Variants in WDFY4 observed in about 807,000 individuals in gnomAD.
WDFY4 encodes WD repeat- and FYVE domain-containing protein 4.
Under a neutral mutation model 351.9 loss-of-function variants are expected in WDFY4, and 169 were observed. The ratio of observed to expected loss-of-function variants is 0.48; its 90% CI spans 0.42 to 0.55. The LOEUF (loss-of-function observed/expected upper bound fraction) is 0.55. Among genes scored for constraint, WDFY4 ranks in the 20% least tolerant of loss-of-function variants. The pLI is 0.00. For missense variants in WDFY4, 3,803 were observed against 3,935.6 expected (o/e 0.97, Z 0.90); for synonymous variants, 1,622 against 1,574.6 (o/e 1.03, Z -0.71).
At chr10:48,820,127 C>A (rs2067766219) in intron 32 of WDFY4, 107 bp from the exon 33 acceptor site, 2 of 1,265,914 alleles carry the variant, frequency 1.6e-6, no homozygotes, top group South Asian at 2.7e-5. Flanking sequence ...AATTTCCGTA[C>A]ATGTCACTGG....
chr10:48,873,952 T>A (rs1378374921), intron 41 of WDFY4, among the ~76,000 whole-genome samples: 1 of 152,116 alleles, frequency 6.6e-6, no homozygotes, highest in African/African-American at 2.4e-5. Context: ...GAGTGGTGAG[T>A]GGTTCTTACC....
At chr10:48,888,434 C>T (rs370579592) in intron 43 of WDFY4, among the ~76,000 whole-genome samples, 5 of 152,064 alleles carry the variant, frequency 3.3e-5, no homozygotes, top group East Asian at 1.9e-4. Flanking sequence ...TTCCTTCCCT[C>T]TGCATTCTGC....
At chr10:48,730,646 T>A (rs1021403615) in intron 8 of WDFY4, among the ~76,000 whole-genome samples, 5 of 152,252 alleles carry the variant, frequency 3.3e-5, no homozygotes, top group African/African-American at 9.6e-5. Flanking sequence ...CCTAGCCCAA[T>A]GCTCTCCAAT....
chr10:48,814,122 G>C (rs912351685), intron 31 of WDFY4, 40 bp downstream of exon 31: 15 of 1,486,872 alleles, frequency 1.0e-5, no homozygotes, highest in African/African-American at 2.8e-5. Flanking sequence ...AGGAGGTTCT[G>C]ATGGGAAGGC....
chr10:48,826,763 C>T lies in WDFY4; in HGVS notation c.6075C>T (p.Pro2025=). ...TCATTCTTTATTGCCTATCCAAGCC[C>T]CAGCAGTCCCTCTCCGAATGCCTCG... The part of the protein sequence containing the change: ...NKVILYCLSK[P]QQSLSECLGL... Residue 2025 remains proline (P), a synonymous_variant, in exon 36 of 62, where the codon CCC becomes CCT. Coordinates refer to ENST00000325239, the MANE Select transcript of WDFY4 (RefSeq NM_001394531.1). The T allele has an allele frequency of 6.4e-7, 1 of 1,551,888 alleles. No individual in the cohort carries two copies. Among genetic ancestry groups the T allele is most frequent in the East Asian group, 2.4e-5 (1 of 40,924 alleles).
At chr10:48,923,983 C>T (rs1052841577) in intron 47 of WDFY4, among the ~76,000 whole-genome samples, 3 of 152,198 alleles carry the variant, frequency 2.0e-5, no homozygotes, top group Admixed American at 2.0e-4. Flanking sequence ...GCCCTCCCAG[C>T]TCTGATGAAT....
In WDFY4 at chr10:48,820,574, C is replaced by T. The variant is rs183363180; in HGVS notation, c.5709+137C>T. On this transcript the variant is annotated intron_variant, in intron 33 of 61. Coordinates refer to ENST00000325239, the MANE Select transcript of WDFY4 (RefSeq NM_001394531.1). ...TGAAGGGGAATCTGTGAACCATGGG[C>T]CCCAAAAAAGCAACAGGTGATAGAG... The T allele has an allele frequency of 4.1e-6, 4 of 986,812 alleles. No homozygotes were observed. The East Asian group carries it at 7.9e-5, about 19-fold the overall frequency. 61.1% of individuals were successfully genotyped at this position (986,812 alleles called of 1,614,324 possible). A position where few individuals can be genotyped will look rare whatever the true frequency, so the allele number is the denominator to read the frequency against.
chr10:48,881,437 G>A (rs2070245169), intron 43 of WDFY4, among the ~76,000 whole-genome samples: 1 of 152,184 alleles, frequency 6.6e-6, no homozygotes, highest in African/African-American at 2.4e-5. Flanking sequence ...ATGAGACAGA[G>A]GGTCACAGTG....
chr10:48,964,119 C>T, intron 54 of WDFY4, 65 bp downstream of exon 54: 5 of 1,504,338 alleles, frequency 3.3e-6, no homozygotes, highest in Non-Finnish European at 4.5e-6. Flanking sequence ...AGGACATTCT[C>T]TCCTGGGGTG....
chr10:48,913,400 T>C, intron 47 of WDFY4: 1 of 1,610,768 alleles, frequency 6.2e-7, no homozygotes, highest in Non-Finnish European at 8.5e-7. Context: ...ACCTCCAGTC[T>C]TCCCAGGAGT....
At chr10:48,823,990 C>G in intron 35 of WDFY4, 1 of 985,452 alleles carries the variant, frequency 1.0e-6, no homozygotes, top group Non-Finnish European at 1.2e-6. Flanking sequence ...ATAACAAATT[C>G]ATTTTCTATC....
At chr10:48,890,935 T>C (rs2070671157) in intron 44 of WDFY4, among the ~76,000 whole-genome samples, 1 of 152,214 alleles carries the variant, frequency 6.6e-6, no homozygotes, top group Non-Finnish European at 1.5e-5. Flanking sequence ...TGGGTACTAA[T>C]GTGGCAGCTC....
chr10:48,846,043 A>C (rs947086075), intron 39 of WDFY4, among the ~76,000 whole-genome samples: 2 of 151,978 alleles, frequency 1.3e-5, no homozygotes, highest in East Asian at 3.9e-4. Flanking sequence ...CCATCATGTC[A>C]CCCCCACTGT....
intron 1 of WDFY4, among the ~76,000 whole-genome samples, chr10:48,687,666 G>T (rs908523264): frequency 6.9e-6 from 1 of 144,042 alleles, no homozygotes; most frequent in African/African-American, 2.6e-5. Context: ...CCAGGCTGGA[G>T]TGCAATGGCA....
intron 1 of WDFY4, among the ~76,000 whole-genome samples, chr10:48,693,197 G>A (rs892961869): frequency 1.3e-5 from 2 of 152,224 alleles, no homozygotes; most frequent in Non-Finnish European, 2.9e-5. Flanking sequence ...GAACATGGGA[G>A]CTGCGGAGGA....
intron 1 of WDFY4, among the ~76,000 whole-genome samples, chr10:48,689,269 G>A (rs977818532): frequency 5.3e-5 from 8 of 152,094 alleles, no homozygotes; most frequent in African/African-American, 1.9e-4. Context: ...CTAAACCCTT[G>A]GCTGCCAGTC....
At chr10:48,836,949 TA>T (rs1427259038) in intron 39 of WDFY4, among the ~76,000 whole-genome samples, 1 of 152,170 alleles carries the variant, frequency 6.6e-6, no homozygotes, top group East Asian at 1.9e-4. Flanking sequence ...CTTCCTTGTT[TA>T]AAAACAGCTG....
At chr10:48,796,598 C>G (rs557940903) in intron 24 of WDFY4, 148 bp downstream of exon 24, 86 of 1,160,998 alleles carry the variant, frequency 7.4e-5, no homozygotes, top group Non-Finnish European at 9.7e-5. Flanking sequence ...TGCCCAGAGG[C>G]CCTGGTTTGT....
rs113212034 is a variant in WDFY4, at chr10:48,765,116, T to C, written c.2553+4676T>C. ...AAATAGAACACATGAATAGAACATA[T>C]GGATGAGTGGGGCTAGAAAGGTCTC... On this transcript the variant is annotated intron_variant, in intron 13 of 61. Transcript: ENST00000325239. Among the ~76,000 whole-genome samples, 701 of 152,350 alleles carry C rather than the reference T, an allele frequency of 4.6e-3. 4 individuals are homozygous for C. The highest frequency in any genetic ancestry group is 0.016 in the African/African-American group (671 of 41,574).
Sources: gnomAD v4.1 joint callset for allele counts (sites outside exome capture counted in the v4.1 genomes callset) on GRCh38, gnomAD v4.1.1 for gene constraint, MANE v1.5 for transcripts, NCBI Gene and HGNC (gene_info 2026-07-23, HGNC 2026-07-21) for gene names.